Variants in SLC20A2 observed in about 807,000 individuals in gnomAD.
The protein encoded by SLC20A2 is solute carrier family 20 member 2.
In SLC20A2, 30 loss-of-function variants were observed where a neutral mutation model predicts 61.0. The observed-to-expected ratio is 0.49, with a 90% CI of 0.37 to 0.67. SLC20A2 has a LOEUF of 0.67. Among genes scored for constraint, SLC20A2 ranks in the 30% least tolerant of loss-of-function variants. The pLI, the probability that SLC20A2 is intolerant of heterozygous loss-of-function variation, is 0.00. For missense variants in SLC20A2, 626 were observed against 866.4 expected (o/e 0.72, Z 3.48); for synonymous variants, 351 against 353.3 (o/e 0.99, Z 0.07).
upstream of SLC20A2, chr8:42,502,271 A>G (rs186811616): frequency 2.0e-5 from 3 of 152,066 alleles, no homozygotes; most frequent in Admixed American, 6.6e-5. Context: ...CATCTTCCGT[A>G]TTAACCACTT....
intron 8 of SLC20A2, among the ~76,000 whole-genome samples, chr8:42,435,761 G>T (rs931982189): frequency 2.0e-5 from 3 of 152,146 alleles, no homozygotes; most frequent in African/African-American, 7.2e-5. Context: ...CGGCTGCATC[G>T]TGCAGTGGGG....
chr8:42,448,467 G>C (rs1231714325), intron 5 of SLC20A2, among the ~76,000 whole-genome samples: 1 of 152,174 alleles, frequency 6.6e-6, no homozygotes, highest in East Asian at 1.9e-4. Context: ...GGGTCACATG[G>C]GGTCCCAGAT....
At chr8:42,441,973 T>G (rs537945166) in intron 6 of SLC20A2, among the ~76,000 whole-genome samples, 2 of 143,182 alleles carry the variant, frequency 1.4e-5, no homozygotes, top group South Asian at 4.2e-4. Flanking sequence ...TTGCTCTTGT[T>G]GCCCAAGGGG....
chr8:42,467,035 T>G (rs2131198917), intron 2 of SLC20A2, among the ~76,000 whole-genome samples: 1 of 152,250 alleles, frequency 6.6e-6, no homozygotes, highest in South Asian at 2.1e-4. Context: ...CTTGAACTCC[T>G]GGGCTCAAGC....
intron 1 of SLC20A2, among the ~76,000 whole-genome samples, chr8:42,509,828 G>A (rs927227337): frequency 2.0e-5 from 3 of 152,072 alleles, no homozygotes; most frequent in African/African-American, 7.2e-5. Context: ...ATGGCCACTA[G>A]CTTCAAAACA....
intron 10 of SLC20A2, among the ~76,000 whole-genome samples, chr8:42,427,818 G>C (rs3888124): frequency 0.21 from 32,645 of 152,030 alleles, 7,128 homozygotes; most frequent in African/African-American, 0.56. Flanking sequence ...TGAGTAAATA[G>C]AAACGTGGGT....
Position 42,533,654 on chromosome 8 carries a change from CTTTT to C in SLC20A2, c.-265+8163_-265+8166del, listed in dbSNP as rs1162369065. On this transcript the variant is annotated intron_variant, in intron 1 of 10. Coordinates refer to the SLC20A2 transcript ENST00000342228. ...TTAATGGCCTTAATGATCAACTGTT[CTTTT>C]TTTTTTTTTTTTTTTTTTGAGACGG... is the stretch of plus-strand genomic sequence containing the variant. 2.2e-4 allele frequency among the ~76,000 whole-genome samples: 12 copies of C among 55,298 alleles called. No individual in the cohort carries two copies. In the South Asian group the frequency reaches 6.2e-3, roughly 29 times the overall value. The allele number at this position is 55,298 out of a possible 152,430, so 36.3% of individuals were successfully genotyped here.
intron 1 of SLC20A2, among the ~76,000 whole-genome samples, chr8:42,508,210 A>G (rs566070212): frequency 1.3e-5 from 2 of 151,116 alleles, no homozygotes; most frequent in East Asian, 4.0e-4. Context: ...GCAGTGGCTC[A>G]CACCTGTAAT....
intron 1 of SLC20A2, among the ~76,000 whole-genome samples, chr8:42,499,469 G>A (rs1166681551): frequency 1.3e-5 from 2 of 152,106 alleles, no homozygotes; most frequent in African/African-American, 2.4e-5. Flanking sequence ...GTGTTTATGC[G>A]CATTTTAGCA....
At chr8:42,478,256 G>C (rs1277125752) in intron 1 of SLC20A2, among the ~76,000 whole-genome samples, 1 of 139,040 alleles carries the variant, frequency 7.2e-6, no homozygotes, top group Non-Finnish European at 1.5e-5. Flanking sequence ...CTGTTGCCCA[G>C]GCTGGAGTGC....
At chr8:42,466,018 T>C in intron 2 of SLC20A2, 101 bp from the exon 3 acceptor site, 1 of 1,067,074 alleles carries the variant, frequency 9.4e-7, no homozygotes, top group Non-Finnish European at 1.3e-6. Context: ...CTCCCAGAGT[T>C]TAATTTTCTG....
chr8:42,473,413 C>CA (rs1283840793), intron 1 of SLC20A2, among the ~76,000 whole-genome samples: 7 of 152,074 alleles, frequency 4.6e-5, no homozygotes, highest in Admixed American at 4.6e-4. Flanking sequence ...TGTCCCCTTG[C>CA]AATCCCTTAG....
At chr8:42,509,414 G>A (rs546554798) in intron 1 of SLC20A2, among the ~76,000 whole-genome samples, 1 of 151,966 alleles carries the variant, frequency 6.6e-6, no homozygotes, top group Non-Finnish European at 1.5e-5. Flanking sequence ...TCTCTTGGGG[G>A]CAATAATTCT....
chr8:42,508,014 T>A (rs1022931372), intron 1 of SLC20A2, among the ~76,000 whole-genome samples: 9 of 151,492 alleles, frequency 5.9e-5, no homozygotes, highest in Non-Finnish European at 1.3e-4. Context: ...ACAAAAAAAA[T>A]TAGCTAGGCG....
chr8:42,495,709 TTAAC>T (rs1438113347), intron 1 of SLC20A2, among the ~76,000 whole-genome samples: 1 of 152,078 alleles, frequency 6.6e-6, no homozygotes, highest in Non-Finnish European at 1.5e-5. Context: ...AAACATGTAA[TTAAC>T]TATGCTATAA....
Position 42,528,449 on chromosome 8 carries a change from G to A in SLC20A2, c.-265+13372C>T, listed in dbSNP as rs559740140. Among the ~76,000 whole-genome samples, 207 of 150,226 alleles carry A rather than the reference G, an allele frequency of 1.4e-3. 4 individuals are homozygous for A. The highest frequency in any genetic ancestry group is 3.4e-3 in the Middle Eastern group (1 of 290). ...TGCACTCCAGCCTGGGCGACAAAGC[G>A]AGACTCCATCTCAAAAAAAAAAAGA... On this transcript the variant is annotated intron_variant, in intron 1 of 10. Coordinates refer to the SLC20A2 transcript ENST00000342228.
At chr8:42,465,651 A>G in intron 3 of SLC20A2, 126 bp downstream of exon 3, 7 of 888,734 alleles carry the variant, frequency 7.9e-6, no homozygotes, top group Non-Finnish European at 1.1e-5. Context: ...AGATTGCACC[A>G]CTGCACTCCA....
At chr8:42,454,081 G>A (rs1282147491) in intron 5 of SLC20A2, among the ~76,000 whole-genome samples, 1 of 152,146 alleles carries the variant, frequency 6.6e-6, no homozygotes, top group African/African-American at 2.4e-5. Context: ...TCAGGTCACT[G>A]TAAGCTCCCC....
intron 1 of SLC20A2, among the ~76,000 whole-genome samples, chr8:42,530,400 T>C (rs574375547): frequency 6.6e-6 from 1 of 152,324 alleles, no homozygotes; most frequent in Non-Finnish European, 1.5e-5. Flanking sequence ...AACCCAGTGT[T>C]GGGATTACAA....
Sources: gnomAD v4.1 joint callset for allele counts (sites outside exome capture counted in the v4.1 genomes callset) on GRCh38, gnomAD v4.1.1 for gene constraint, MANE v1.5 for transcripts, NCBI Gene and HGNC (gene_info 2026-07-23, HGNC 2026-07-21) for gene names.